Variants in BSG observed in about 807,000 individuals in gnomAD.
BSG encodes basigin.
Under a neutral mutation model 43.1 loss-of-function variants are expected in BSG, and 37 were observed. The ratio of observed to expected loss-of-function variants is 0.86; its 90% CI spans 0.66 to 1.13. The LOEUF is 1.13. BSG is among the 50% of genes most tolerant of loss of function. The pLI, the probability that BSG is intolerant of heterozygous loss-of-function variation, is 0.00. For missense variants in BSG, 599 were observed against 554.2 expected, an observed-to-expected ratio of 1.08 and a Z score of -0.81; for synonymous variants, 309 against 238.7, an observed-to-expected ratio of 1.29 and a Z score of -2.72.
chr19:579,347 G>A, intron 2 of BSG, 153 bp from the exon 3 acceptor site: 1 of 1,045,160 alleles, frequency 9.6e-7, no homozygotes, highest in South Asian at 1.3e-5. Flanking sequence ...AGTTCCCCTT[G>A]GGCCTCCGGT....
upstream of BSG, chr19:571,437 C>T: frequency 1.3e-6 from 1 of 741,724 alleles, no homozygotes; most frequent in South Asian, 1.4e-5. Context: ...CGACTTTTCT[C>T]ACCGTGGTCG....
intron 2 of BSG, 158 bp from the exon 3 acceptor site, chr19:579,342 C>A (rs1167906248): frequency 2.0e-6 from 2 of 1,015,208 alleles, no homozygotes; most frequent in Non-Finnish European, 3.0e-6. Context: ...CCAGAAGTTC[C>A]CCTTGGGCCT....
At chr19:577,710 C>T in intron 1 of BSG, 64 bp from the exon 2 acceptor site, 1 of 1,296,116 alleles carries the variant, frequency 7.7e-7, no homozygotes, top group Non-Finnish European at 9.9e-7. Context: ...CGAGGCCTTC[C>T]CCAGGAGCTG....
chr19:582,430 G>A, intron 7 of BSG, 84 bp from the exon 8 acceptor site: 1 of 1,600,094 alleles, frequency 6.2e-7, no homozygotes, highest in South Asian at 1.1e-5. Context: ...GTATTCGGGG[G>A]TCCTGGGGGC....
chr19:581,153 C>T (rs1263630444), intron 5 of BSG, among the ~76,000 whole-genome samples, 162 bp from the exon 6 acceptor site: 1 of 107,388 alleles, frequency 9.3e-6, no homozygotes, highest in Non-Finnish European at 1.8e-5. Context: ...GTCCCGGACC[C>T]AGCCCTCCGG....
rs140648603 is a variant in BSG, at chr19:577,847, G to A, written c.141G>A (p.Val47=). 2.5e-5 allele frequency: 38 copies of A among 1,533,048 alleles called. No individual in the cohort carries two copies. The African/African-American group carries it at 4.8e-4, about 19-fold the overall frequency. 95.0% of individuals were successfully genotyped at this position (1,533,048 alleles called of 1,614,324 possible). Residue 47 remains valine (V), a synonymous_variant, in exon 2 of 9, where the codon GTG becomes GTA. Coordinates refer to ENST00000333511, the MANE Select transcript of BSG (RefSeq NM_001728.4). ...GTGTGGAGCTGCACTGCGAGGCCGT[G>A]GGCAGCCCGGTGCCCGAGATCCAGT... ...GGSVELHCEA[V]GSPVPEIQWW...
upstream of BSG, chr19:571,407 CACCT>C (rs1261600786): frequency 1.2e-4 from 81 of 678,378 alleles, no homozygotes; most frequent in South Asian, 1.3e-3. Context: ...GAGACGCCCC[CACCT>C]GTGTCGCCCC....
rs1803202 is a variant in BSG at position 579,627 on chromosome 19, C to T, written c.543C>T (p.Asp181=). Residue 181 remains aspartate, a synonymous_variant, in exon 3 of 9, where the codon GAC becomes GAT. Coordinates refer to ENST00000333511, the MANE Select transcript of BSG (RefSeq NM_001728.4). The part of the protein sequence containing the change: ...WLKGGVVLKE[D]ALPGQKTEFK... ...AGGGGGGCGTGGTGCTGAAGGAGGA[C>T]GCGCTGCCCGGCCAGAAAACGGAGT... is the stretch of plus-strand genomic sequence containing the variant. The T allele has an allele frequency of 0.11, 181,305 of 1,611,332 alleles. 12,594 individuals are homozygous for T. The highest frequency in any genetic ancestry group is 0.27 in the South Asian group (24,270 of 90,972).
upstream of BSG, chr19:571,383 C>CT (rs1280021997): frequency 1.3e-5 from 8 of 622,252 alleles, no homozygotes; most frequent in Middle Eastern, 4.2e-4. Flanking sequence ...CCAACACACA[C>CT]TTTCAACCTC....
intron 1 of BSG, 26 bp from the exon 2 acceptor site, chr19:577,746 CAA>C: frequency 6.6e-6 from 9 of 1,361,760 alleles, no homozygotes; most frequent in Non-Finnish European, 8.5e-6. Flanking sequence ...CAGGCACTAA[CAA>C]GACCCCACGC....
intron 1 of BSG, chr19:575,118 G>A (rs1438595292): frequency 6.6e-6 from 1 of 152,348 alleles, no homozygotes; most frequent in Non-Finnish European, 1.5e-5. Flanking sequence ...ACTGGCCAGA[G>A]CTGCCTGCAG....
chr19:581,710 A>C, intron 6 of BSG, 119 bp downstream of exon 6: 1 of 1,345,208 alleles, frequency 7.4e-7, no homozygotes, highest in Middle Eastern at 2.7e-4. Context: ...AGCCCCAGGC[A>C]GGGAGTTGAT....
intron 6 of BSG, among the ~76,000 whole-genome samples, 171 bp from the exon 7 acceptor site, chr19:582,135 C>T (rs1319077107): frequency 6.6e-6 from 1 of 152,190 alleles, no homozygotes. Context: ...CCTTTCCCCA[C>T]AGCACTCAGA....
upstream of BSG, chr19:571,792 T>C: frequency 3.4e-6 from 2 of 590,704 alleles, no homozygotes; most frequent in East Asian, 5.7e-5. Context: ...CCCTGTTGGC[T>C]GGGGTTGGAC....
At chr19:582,624 T>C (rs572733540) in intron 8 of BSG, 42 bp downstream of exon 8, 4 of 16,344 alleles carry the variant, frequency 2.4e-4, no homozygotes, top group African/African-American at 1.2e-3. Flanking sequence ...GTGTGGTGGG[T>C]GGGTGGGCGG....
chr19:572,682 C>G lies in BSG; in HGVS notation c.48C>G (p.Thr16=). ...FVLLGFALLG[T]HGASGAAGFV... ...TGCTGGGATTCGCGCTGCTGGGCAC[C>G]CACGGAGCCTCCGGGGCTGGTGAGG... The change falls in exon 1 of 9, where the codon ACC becomes ACG. Residue 16 remains threonine, a synonymous_variant. Transcript: ENST00000333511. 6.7e-7 allele frequency: 1 copy of G among 1,496,292 alleles called. No homozygotes were observed. Among genetic ancestry groups the G allele is most frequent in the Non-Finnish European group, 8.9e-7 (1 of 1,119,468 alleles). The allele number at this position is 1,496,292 out of a possible 1,614,324, so 92.7% of individuals were successfully genotyped here. A position where few individuals can be genotyped will look rare whatever the true frequency, so the allele number is the denominator to read the frequency against.
At chr19:579,418 A>G in intron 2 of BSG, 82 bp from the exon 3 acceptor site, 1 of 1,571,950 alleles carries the variant, frequency 6.4e-7, no homozygotes, top group East Asian at 2.2e-5. Flanking sequence ...CCCGGGGAGG[A>G]GCCGCAGGTT....
Position 582,539 on chromosome 19 carries a change from G to A in BSG, c.1120G>A (p.Asp374Asn). Residue 374 changes from aspartate to asparagine, a missense_variant, in exon 8 of 9, where the codon GAC becomes AAC. Physicochemically the swap from Asp to Asn is conservative, Grantham distance 23. Coordinates refer to ENST00000333511, the MANE Select transcript of BSG (RefSeq NM_001728.4). ...PLKSSGQHQNDKGKNVRQRNS... is the reference protein window; with the variant it reads ...PLKSSGQHQNNKGKNVRQRNS... ...GAAGAGCAGCGGGCAGCACCAGAAT[G>A]ACAAAGGCAAGAACGTCCGCCAGAG... The A allele has an allele frequency of 6.3e-7, 1 of 1,577,192 alleles. No individual in the cohort carries two copies. Among genetic ancestry groups the A allele is most frequent in the South Asian group, 1.1e-5 (1 of 89,894 alleles).
rs900949373 is a variant in BSG at position 582,652 on chromosome 19, G to T, written c.*5+70G>T. On this transcript the variant is annotated intron_variant, in intron 8 of 8. Coordinates refer to ENST00000333511, the MANE Select transcript of BSG (RefSeq NM_001728.4). ...GTGGGCGGGAACTCCTGAGCCAGGT[G>T]TGGTGGGCGGGATCTGCTAGCCAGG... 4 of 1,416,222 alleles carry T rather than the reference G, an allele frequency of 2.8e-6. No individual in the cohort carries two copies. In the African/African-American group the frequency reaches 5.7e-5, roughly 20 times the overall value. 87.7% of individuals were successfully genotyped at this position (1,416,222 alleles called of 1,614,324 possible).
Sources: gnomAD v4.1 joint callset for allele counts (sites outside exome capture counted in the v4.1 genomes callset) on GRCh38, gnomAD v4.1.1 for gene constraint, MANE v1.5 for transcripts, NCBI Gene and HGNC (gene_info 2026-07-23, HGNC 2026-07-21) for gene names.